STX7: variants seen among roughly 807,000 people sequenced by gnomAD.
The protein encoded by STX7 is syntaxin-7.
A neutral mutation model predicts 39.6 loss-of-function variants in STX7; 34 were observed. The observed-to-expected ratio is 0.86, with a 90% CI of 0.65 to 1.14. The LOEUF (loss-of-function observed/expected upper bound fraction) is 1.14. STX7 is among the 50% of genes most tolerant of loss of function. The pLI, the probability that STX7 is intolerant of heterozygous loss-of-function variation, is 0.00. For synonymous variants in STX7, 119 were observed against 99.1 expected (o/e 1.20, Z -1.19); for missense variants, 284 against 310.4 (o/e 0.92, Z 0.64).
At chr6:132,466,858 T>C (rs1213339875) in intron 8 of STX7, among the ~76,000 whole-genome samples, 1 of 152,220 alleles carries the variant, frequency 6.6e-6, no homozygotes, top group African/African-American at 2.4e-5. Flanking sequence ...ACCATCATAG[T>C]GGGCCAAGCT....
rs547336867 is a variant in STX7 at position 132,452,533 on chromosome 6, A to G, written c.*8225T>C. Reference sequence around the variant, plus strand: ...CCCCTAAAATGAGTAAGTGGGCTCAATAAGGTCTCAGTATACAAAATAGAA... The same window carrying G: ...CCCCTAAAATGAGTAAGTGGGCTCAGTAAGGTCTCAGTATACAAAATAGAA... On this transcript the variant is annotated 3_prime_UTR_variant, in exon 10 of 10. Coordinates refer to ENST00000367941, the MANE Select transcript of STX7 (RefSeq NM_003569.3). 2.6e-5 allele frequency: 4 copies of G among 152,296 alleles called. No homozygotes were observed. The South Asian group carries it at 8.3e-4, about 32-fold the overall frequency. 9.4% of individuals were successfully genotyped at this position (152,296 alleles called of 1,614,324 possible).
chr6:132,472,050 T>G (rs1774737233), intron 4 of STX7, among the ~76,000 whole-genome samples: 1 of 152,186 alleles, frequency 6.6e-6, no homozygotes, highest in African/African-American at 2.4e-5. Flanking sequence ...AGAACTAACT[T>G]AATTATGGGT....
chr6:132,475,981 G>A (rs903381453), intron 2 of STX7, among the ~76,000 whole-genome samples: 5 of 151,946 alleles, frequency 3.3e-5, no homozygotes, highest in African/African-American at 1.2e-4. Flanking sequence ...AACACTACTA[G>A]CATAAAAATT....
intron 3 of STX7, among the ~76,000 whole-genome samples, chr6:132,474,310 A>C (rs553819397): frequency 6.6e-6 from 1 of 151,378 alleles, no homozygotes; most frequent in East Asian, 1.9e-4. Context: ...TCAAAATATT[A>C]GAACTTTTAT....
intron 2 of STX7, among the ~76,000 whole-genome samples, chr6:132,488,020 A>G (rs952320910): frequency 7.2e-5 from 11 of 152,188 alleles, no homozygotes; most frequent in African/African-American, 2.7e-4. Context: ...TTTCTAATAC[A>G]GGTGTTTAGT....
chr6:132,496,087 T>G (rs1159358576), intron 2 of STX7, among the ~76,000 whole-genome samples: 2 of 152,180 alleles, frequency 1.3e-5, no homozygotes, highest in African/African-American at 4.8e-5. Context: ...GGTTCTGTCT[T>G]TCCAAATTTT....
intron 2 of STX7, among the ~76,000 whole-genome samples, chr6:132,486,764 C>A (rs1775144422): frequency 6.7e-6 from 1 of 148,518 alleles, no homozygotes. Flanking sequence ...GCTGCCAGTT[C>A]AAGCGATTCT....
chr6:132,466,911 T>G (rs1774578800), intron 8 of STX7, among the ~76,000 whole-genome samples: 1 of 152,200 alleles, frequency 6.6e-6, no homozygotes, highest in South Asian at 2.1e-4. Context: ...TCTTTCACAC[T>G]CATACCCAGC....
intron 5 of STX7, 71 bp downstream of exon 5, chr6:132,471,392 T>C (rs910705351): frequency 3.2e-5 from 47 of 1,470,280 alleles, no homozygotes; most frequent in Non-Finnish European, 3.9e-5. Flanking sequence ...AAAATTATGC[T>C]ACTATAGACT....
chr6:132,494,110 C>A (rs1333828948), intron 2 of STX7, among the ~76,000 whole-genome samples: 6 of 152,052 alleles, frequency 3.9e-5, no homozygotes, highest in African/African-American at 1.5e-4. Context: ...GGAGGCACCA[C>A]AAATGGTTAG....
chr6:132,477,796 T>G (rs1050083150), intron 2 of STX7, among the ~76,000 whole-genome samples: 1 of 152,162 alleles, frequency 6.6e-6, no homozygotes, highest in African/African-American at 2.4e-5. Flanking sequence ...AGACAGTAAC[T>G]GCAGGTTATG....
rs1774197790 is a variant in STX7 at position 132,454,186 on chromosome 6, ATAT to A, written c.*6569_*6571del. On this transcript the variant is annotated 3_prime_UTR_variant, in exon 10 of 10. Coordinates refer to ENST00000367941, the MANE Select transcript of STX7 (RefSeq NM_003569.3). The stretch of plus-strand genomic sequence containing the variant: ...AAAAAAGCCAATCCCAAAAGGTTAC[ATAT>A]TATTATGATTCCAGTTATACAGCTT... 1 of 151,978 alleles carries A rather than the reference ATAT, an allele frequency of 6.6e-6. No homozygotes were observed. Among genetic ancestry groups the A allele is most frequent in the Non-Finnish European group, 1.5e-5 (1 of 67,978 alleles). 9.4% of individuals were successfully genotyped at this position (151,978 alleles called of 1,614,324 possible). A position where few individuals can be genotyped will look rare whatever the true frequency, so the allele number is the denominator to read the frequency against.
At position 132,513,086 on chromosome 6, in the gene STX7, T is replaced by A. The variant is rs1377012954; in HGVS notation, c.-138A>T. On this transcript the variant is annotated 5_prime_UTR_variant, in exon 1 of 10. Coordinates refer to ENST00000367941, the MANE Select transcript of STX7 (RefSeq NM_003569.3). Reference sequence around the variant, plus strand: ...GGAGCCCTCAGCTGCAATTCTCAGCTGATGGGCGGTGGCGTGGGGACGCCC... The same window carrying A: ...GGAGCCCTCAGCTGCAATTCTCAGCAGATGGGCGGTGGCGTGGGGACGCCC... 2.6e-5 allele frequency: 4 copies of A among 152,360 alleles called. No homozygotes were observed. The highest frequency in any genetic ancestry group is 9.6e-5 in the African/African-American group (4 of 41,464). 9.4% of individuals were successfully genotyped at this position (152,360 alleles called of 1,614,324 possible).
intron 9 of STX7, among the ~76,000 whole-genome samples, chr6:132,463,652 G>A (rs72998811): frequency 0.03 from 4,610 of 152,230 alleles, 98 homozygotes; most frequent in Non-Finnish European, 0.045. Context: ...AGCAAGAAAT[G>A]GGAAGGAGGG....
In STX7 at chr6:132,447,165, A is replaced by G. The variant is rs1774030065; in HGVS notation, c.*13593T>C. 1.3e-5 allele frequency: 2 copies of G among 152,240 alleles called. No homozygotes were observed. The highest frequency in any genetic ancestry group is 2.1e-4 in the South Asian group (1 of 4,836). The allele number at this position is 152,240 out of a possible 1,614,324, so 9.4% of individuals were successfully genotyped here. A position where few individuals can be genotyped will look rare whatever the true frequency, so the allele number is the denominator to read the frequency against. ...TGTAACATTTGACACCAGGCTTTTA[A>G]GTAAAACACCCTAAGATGGAACTTA... is the stretch of plus-strand genomic sequence containing the variant. On this transcript the variant is annotated 3_prime_UTR_variant, in exon 10 of 10. Transcript: ENST00000367941.
chr6:132,503,483 C>A lies in STX7; in HGVS notation c.48G>T (p.Gln16His). The A allele has an allele frequency of 6.2e-7, 1 of 1,614,098 alleles. No individual in the cohort carries two copies. The highest frequency in any genetic ancestry group is 8.5e-7 in the Non-Finnish European group (1 of 1,179,964). Residue 16 changes from glutamine (Q) to histidine (H), a missense_variant, in exon 2 of 10, where the codon CAG (glutamine) becomes CAT (histidine). By Grantham distance (24) the Gln-to-His change is conservative (BLOSUM62 0). Coordinates refer to ENST00000367941, the MANE Select transcript of STX7 (RefSeq NM_003569.3). ...TCTTCTGGATGTTAGAAGAGATCCT[C>A]TGGGCCAACTGGGCGGGGTCACCAC... Reference protein sequence around the residue: ...GVGGDPAQLAQRISSNIQKIT... With the variant: ...GVGGDPAQLAHRISSNIQKIT...
chr6:132,502,812 T>C (rs1450586091), intron 2 of STX7, among the ~76,000 whole-genome samples: 2 of 151,904 alleles, frequency 1.3e-5, no homozygotes, highest in African/African-American at 2.4e-5. Flanking sequence ...GGCAGGAGAA[T>C]GGTGTGAACC....
Position 132,457,361 on chromosome 6 carries a change from C to T in STX7, c.*3397G>A, listed in dbSNP as rs530494080. ...TCCAGCTGAAATGAGGAAAGATAAT[C>T]GTGCATGTCTGGCAACCAGGTAATT... On this transcript the variant is annotated 3_prime_UTR_variant, in exon 10 of 10. Transcript: ENST00000367941. The T allele has an allele frequency of 1.3e-5, 2 of 152,308 alleles. No homozygotes were observed. The highest frequency in any genetic ancestry group is 2.1e-4 in the South Asian group (1 of 4,826). The allele number at this position is 152,308 out of a possible 1,614,324, so 9.4% of individuals were successfully genotyped here.
chr6:132,465,754 A>G (rs944663010), intron 8 of STX7, among the ~76,000 whole-genome samples: 21 of 152,174 alleles, frequency 1.4e-4, no homozygotes, highest in African/African-American at 4.8e-4. Flanking sequence ...CCCTATCTAC[A>G]TGCAATATTT....
Sources: gnomAD v4.1 joint callset for allele counts (sites outside exome capture counted in the v4.1 genomes callset) on GRCh38, gnomAD v4.1.1 for gene constraint, MANE v1.5 for transcripts, NCBI Gene and HGNC (gene_info 2026-07-23, HGNC 2026-07-21) for gene names.